Variants in CYP19A1 observed in about 807,000 individuals in gnomAD.
CYP19A1 encodes the protein aromatase.
Under a neutral mutation model 44.4 loss-of-function variants are expected in CYP19A1, and 32 were observed. The ratio of observed to expected loss-of-function variants is 0.72; its 90% CI spans 0.54 to 0.97. The LOEUF is 0.97. Ranked by LOEUF, CYP19A1 falls within the 50% of genes least tolerant of loss-of-function variation. The pLI is 0.00. For missense variants in CYP19A1, 598 were observed against 637.8 expected, an observed-to-expected ratio of 0.94 and a Z score of 0.67; for synonymous variants, 212 against 215.6, an observed-to-expected ratio of 0.98 and a Z score of 0.14.
At chr15:51,212,754 G>C (rs922589234) in intron 8 of CYP19A1, among the ~76,000 whole-genome samples, 193 bp from the exon 9 acceptor site, 2 of 152,186 alleles carry the variant, frequency 1.3e-5, no homozygotes, top group African/African-American at 2.4e-5. Flanking sequence ...TAAAAATTCA[G>C]ATATGAAGCC....
intron 1 of CYP19A1, among the ~76,000 whole-genome samples, chr15:51,298,977 T>C (rs1410086482): frequency 1.3e-5 from 2 of 152,350 alleles, no homozygotes; most frequent in East Asian, 3.9e-4. Context: ...GAGGAGTGGC[T>C]GGGACCAGGC....
chr15:51,319,318 T>C (rs1288426223), intron 1 of CYP19A1, among the ~76,000 whole-genome samples: 4 of 152,264 alleles, frequency 2.6e-5, no homozygotes, highest in African/African-American at 9.6e-5. Context: ...CGCACTGTAA[T>C]CAACATTCCC....
intron 1 of CYP19A1, among the ~76,000 whole-genome samples, chr15:51,334,544 A>G (rs2036748161): frequency 6.6e-6 from 1 of 152,210 alleles, no homozygotes; most frequent in African/African-American, 2.4e-5. Flanking sequence ...CAAATTCATG[A>G]GCCATTCTCA....
chr15:51,331,524 T>C (rs551275966), intron 1 of CYP19A1, among the ~76,000 whole-genome samples: 1 of 152,280 alleles, frequency 6.6e-6, no homozygotes, highest in Admixed American at 6.5e-5. Flanking sequence ...AGGAGATAAG[T>C]ATAGTTAGCA....
At position 51,332,532 on chromosome 15, in the gene CYP19A1, G is replaced by A. The variant is rs28757075; in HGVS notation, c.-39+5963C>T. 6.4e-3 allele frequency among the ~76,000 whole-genome samples: 982 copies of A among 152,302 alleles called. 12 individuals carry two copies. The highest frequency in any genetic ancestry group is 0.023 in the African/African-American group (947 of 41,558). ...TCTGTCTGAATTTAACTGACGATGT[G>A]TTGTAAGGCTCCTTGCTCACCACTA... On this transcript the variant is annotated intron_variant, in intron 1 of 9. Transcript: ENST00000396402.
chr15:51,223,638 G>A (rs906940174), intron 4 of CYP19A1, among the ~76,000 whole-genome samples: 9 of 52,766 alleles, frequency 1.7e-4, no homozygotes, highest in Admixed American at 1.1e-3. Context: ...CACACACACT[G>A]GGTTAAGCTG....
chr15:51,327,663 C>T (rs956009571), intron 1 of CYP19A1, among the ~76,000 whole-genome samples: 4 of 152,098 alleles, frequency 2.6e-5, no homozygotes, highest in African/African-American at 4.8e-5. Flanking sequence ...CAGACAGATG[C>T]GTGTTCTTCA....
intron 1 of CYP19A1, among the ~76,000 whole-genome samples, chr15:51,274,044 CTCT>C (rs2035220217): frequency 6.6e-6 from 1 of 151,972 alleles, no homozygotes; most frequent in African/African-American, 2.4e-5. Context: ...ATAAGTGGCC[CTCT>C]TCTTCTACCC....
At chr15:51,278,406 T>C (rs1239008341) in intron 1 of CYP19A1, among the ~76,000 whole-genome samples, 1 of 152,186 alleles carries the variant, frequency 6.6e-6, no homozygotes, top group African/African-American at 2.4e-5. Flanking sequence ...ACATAGTTGC[T>C]GGGCTCTCTG....
chr15:51,327,973 A>T (rs2036638634), intron 1 of CYP19A1, among the ~76,000 whole-genome samples: 1 of 152,234 alleles, frequency 6.6e-6, no homozygotes, highest in South Asian at 2.1e-4. Context: ...TATCTAAAAA[A>T]TCTTGTACAT....
intron 7 of CYP19A1, among the ~76,000 whole-genome samples, chr15:51,215,491 C>G (rs1229541045): frequency 1.3e-5 from 2 of 152,208 alleles, no homozygotes; most frequent in East Asian, 3.8e-4. Flanking sequence ...AGAAGAGTCA[C>G]AATCTTAGCA....
intron 1 of CYP19A1, among the ~76,000 whole-genome samples, chr15:51,325,292 T>C (rs187682219): frequency 1.1e-4 from 17 of 152,198 alleles, no homozygotes; most frequent in African/African-American, 3.4e-4. Flanking sequence ...CCTGTGGGTG[T>C]TCTTCACTGG....
intron 1 of CYP19A1, chr15:51,318,339 A>G (rs1309083576): frequency 6.6e-6 from 1 of 152,264 alleles, no homozygotes; most frequent in Non-Finnish European, 1.5e-5. Flanking sequence ...TTCAGCTCCA[A>G]AGATAAGTTC....
intron 1 of CYP19A1, among the ~76,000 whole-genome samples, chr15:51,314,881 G>A (rs543489677): frequency 4.6e-5 from 7 of 151,996 alleles, no homozygotes; most frequent in East Asian, 3.9e-4. Flanking sequence ...TCCTACTTCC[G>A]ACCCAGTCTC....
intron 1 of CYP19A1, among the ~76,000 whole-genome samples, chr15:51,284,277 G>T (rs529615137): frequency 2.0e-5 from 3 of 152,270 alleles, no homozygotes; most frequent in South Asian, 4.2e-4. Context: ...GACTATTTAG[G>T]GAAAGGATTT....
intron 1 of CYP19A1, among the ~76,000 whole-genome samples, chr15:51,331,992 C>A (rs1164016630): frequency 6.6e-6 from 1 of 151,760 alleles, no homozygotes; most frequent in Non-Finnish European, 1.5e-5. Flanking sequence ...TAACTGTCTG[C>A]TTTTTATTTT....
intron 8 of CYP19A1, 96 bp from the exon 9 acceptor site, chr15:51,212,657 C>T (rs534948398): frequency 2.4e-6 from 2 of 849,040 alleles, no homozygotes; most frequent in East Asian, 2.5e-5. Context: ...ACCGTTTGCT[C>T]TTGGTTGAAA....
At chr15:51,237,087 G>A in intron 2 of CYP19A1, 78 bp from the exon 3 acceptor site, 1 of 1,513,576 alleles carries the variant, frequency 6.6e-7, no homozygotes, top group Non-Finnish European at 9.1e-7. Flanking sequence ...TCCTGTTTTT[G>A]TTCTTTTATA....
In CYP19A1 at chr15:51,215,103, C is replaced by A. The variant is rs1209335428; in HGVS notation, c.988G>T (p.Glu330Ter). The change falls in exon 8 of 10, where the codon GAG becomes TAG. Residue 330 changes from glutamate to a stop codon, truncating the protein, a stop_gained. Transcript: ENST00000396402. LOFTEE classifies it high-confidence loss of function. ...GTCTGGATTTCCTTTATTATTGCCT[C>A]TTCAACATTAGGGTGCTTTGCAATG... The part of the protein sequence containing the change: ...FLIAKHPNVE[E>*]AIIKEIQTVI... The A allele has an allele frequency of 6.2e-7, 1 of 1,613,886 alleles. No individual in the cohort carries two copies. The highest frequency in any genetic ancestry group is 1.3e-5 in the African/African-American group (1 of 74,902).
Sources: gnomAD v4.1 joint callset for allele counts (sites outside exome capture counted in the v4.1 genomes callset) on GRCh38, gnomAD v4.1.1 for gene constraint, MANE v1.5 for transcripts, NCBI Gene and HGNC (gene_info 2026-07-23, HGNC 2026-07-21) for gene names.